The following CACNA1E variants were observed in gnomAD, a reference collection of about 807,000 sequenced individuals.
CACNA1E encodes voltage-dependent R-type calcium channel subunit alpha-1E.
In CACNA1E, 40 loss-of-function variants were observed where a neutral mutation model predicts 259.2. The ratio of observed to expected loss-of-function variants is 0.15; its 90% confidence interval spans 0.12 to 0.20. CACNA1E has a LOEUF of 0.20. Among genes scored for constraint, CACNA1E ranks in the 10% least tolerant of loss-of-function variants. The pLI is 1.00. For missense variants in CACNA1E, 1,874 were observed against 3,040.1 expected, an observed-to-expected ratio of 0.62 and a Z score of 9.02; for synonymous variants, 1,104 against 1,138.5, an observed-to-expected ratio of 0.97 and a Z score of 0.61.
At chr1:181,713,287 CTAAGA>C (rs1362900128) in intron 8 of CACNA1E, among the ~76,000 whole-genome samples, 1 of 152,104 alleles carries the variant, frequency 6.6e-6, no homozygotes, top group African/African-American at 2.4e-5. Flanking sequence ...GACTGTCTGG[CTAAGA>C]TAATTAAAGT....
At chr1:181,493,915 C>T (rs543849327) in intron 1 of CACNA1E, among the ~76,000 whole-genome samples, 2 of 152,338 alleles carry the variant, frequency 1.3e-5, no homozygotes, top group African/African-American at 2.4e-5. Flanking sequence ...CCACTCTGCA[C>T]ATTGCGCCAG....
intron 2 of CACNA1E, among the ~76,000 whole-genome samples, chr1:181,453,002 G>A (rs1476553664): frequency 6.6e-6 from 1 of 152,204 alleles, no homozygotes; most frequent in Admixed American, 6.5e-5. Flanking sequence ...CAGCTGGACA[G>A]TTTTAGTGTC....
chr1:181,739,224 C>T lies in CACNA1E; in HGVS notation c.3690C>T (p.Val1230=), dbSNP rs1168606555. ...GGAACATCCTGGACTTTGTGGTGGT[C>T]GTTGGCGCATTGGTGGCCTTTGCTC... The part of the protein sequence containing the change: ...DLWNILDFVV[V]VGALVAFALA... The change falls in exon 25 of 48, where the codon GTC becomes GTT. Residue 1230 remains valine, a synonymous_variant. Transcript: ENST00000367573. 38 of 1,613,084 alleles carry T rather than the reference C, an allele frequency of 2.4e-5. No individual in the cohort carries two copies. Among genetic ancestry groups the T allele is most frequent in the Non-Finnish European group, 3.1e-5 (37 of 1,179,196 alleles).
At chr1:181,780,376 A>G (rs1239623347) in intron 38 of CACNA1E, among the ~76,000 whole-genome samples, 2 of 152,164 alleles carry the variant, frequency 1.3e-5, no homozygotes, top group Non-Finnish European at 1.5e-5. Flanking sequence ...GGAATTCTCT[A>G]TATCCCAATG....
intron 3 of CACNA1E, among the ~76,000 whole-genome samples, chr1:181,575,308 G>A (rs1650861900): frequency 6.6e-6 from 1 of 152,294 alleles, no homozygotes; most frequent in Middle Eastern, 3.4e-3. Context: ...AGACTAACTT[G>A]GTGACATGCG....
At chr1:181,358,855 T>C (rs1269723442) in intron 1 of CACNA1E, among the ~76,000 whole-genome samples, 1 of 152,250 alleles carries the variant, frequency 6.6e-6, no homozygotes, top group Admixed American at 6.5e-5. Flanking sequence ...CTAATGCATA[T>C]GCCAGCCATG....
chr1:181,480,437 C>T (rs140185239), upstream of CACNA1E, among the ~76,000 whole-genome samples: 123 of 152,322 alleles, frequency 8.1e-4, no homozygotes, highest in African/African-American at 2.7e-3. Context: ...ATTTATGATT[C>T]CTGTCTCCTT....
chr1:181,626,306 A>G (rs567005873), intron 6 of CACNA1E, among the ~76,000 whole-genome samples: 7 of 152,380 alleles, frequency 4.6e-5, no homozygotes, highest in Middle Eastern at 3.4e-3. Flanking sequence ...TGTGAAGTGC[A>G]GTAAAGTACA....
At chr1:181,704,317 A>T (rs1222924045) in intron 7 of CACNA1E, among the ~76,000 whole-genome samples, 1 of 152,208 alleles carries the variant, frequency 6.6e-6, no homozygotes, top group Admixed American at 6.5e-5. Flanking sequence ...AACATTGAAG[A>T]GGCTCACCCT....
chr1:181,512,595 A>C (rs1452527607), intron 3 of CACNA1E, among the ~76,000 whole-genome samples: 1 of 152,236 alleles, frequency 6.6e-6, no homozygotes, highest in Non-Finnish European at 1.5e-5. Flanking sequence ...GATTGCATCT[A>C]TTTGTTGTCA....
intron 6 of CACNA1E, among the ~76,000 whole-genome samples, chr1:181,585,016 C>G (rs531974120): frequency 1.3e-5 from 2 of 149,386 alleles, no homozygotes; most frequent in South Asian, 2.1e-4. Flanking sequence ...ACTGGTCCCC[C>G]CCCCTGCCTC....
At chr1:181,707,971 G>A (rs1652958774) in intron 7 of CACNA1E, among the ~76,000 whole-genome samples, 1 of 152,176 alleles carries the variant, frequency 6.6e-6, no homozygotes. Context: ...TAGACTGGAG[G>A]CCAGAAGGTT....
intron 9 of CACNA1E, 83 bp from the exon 10 acceptor site, chr1:181,715,957 T>C (rs1653848588): frequency 1.2e-6 from 1 of 857,362 alleles, no homozygotes; most frequent in Non-Finnish European, 1.9e-6. Flanking sequence ...ACAAGGCATC[T>C]TGCCTGCATT....
chr1:181,573,497 C>T (rs564236631), intron 3 of CACNA1E, among the ~76,000 whole-genome samples: 11 of 152,286 alleles, frequency 7.2e-5, no homozygotes, highest in African/African-American at 2.2e-4. Flanking sequence ...TCCATTCTTT[C>T]CTCTGTCTCT....
At chr1:181,376,454 C>T (rs1655108944) in intron 1 of CACNA1E, among the ~76,000 whole-genome samples, 1 of 152,196 alleles carries the variant, frequency 6.6e-6, no homozygotes, top group Admixed American at 6.5e-5. Context: ...TATGCCAGGA[C>T]ACATTTTTAT....
chr1:181,679,623 C>T (rs1243246625), intron 7 of CACNA1E, among the ~76,000 whole-genome samples: 1 of 152,128 alleles, frequency 6.6e-6, no homozygotes, highest in South Asian at 2.1e-4. Context: ...GACAGAGAGG[C>T]CACACTCACA....
chr1:181,559,931 A>G (rs1649142366), intron 3 of CACNA1E, among the ~76,000 whole-genome samples: 1 of 152,250 alleles, frequency 6.6e-6, no homozygotes, highest in Non-Finnish European at 1.5e-5. Flanking sequence ...GCAATGTGAG[A>G]AAAAGGGTCA....
At chr1:181,693,014 C>T (rs977319371) in intron 7 of CACNA1E, among the ~76,000 whole-genome samples, 2 of 150,456 alleles carry the variant, frequency 1.3e-5, no homozygotes, top group Non-Finnish European at 3.0e-5. Flanking sequence ...TTAAAAGATA[C>T]ACAAGCAACC....
At chr1:181,504,657 C>G (rs1665555319) in intron 1 of CACNA1E, among the ~76,000 whole-genome samples, 1 of 152,228 alleles carries the variant, frequency 6.6e-6, no homozygotes, top group African/African-American at 2.4e-5. Flanking sequence ...CCGGTGACAG[C>G]AGAACCAGCA....
Sources: gnomAD v4.1 joint callset for allele counts (sites outside exome capture counted in the v4.1 genomes callset) on GRCh38, gnomAD v4.1.1 for gene constraint, MANE v1.5 for transcripts, NCBI Gene and HGNC (gene_info 2026-07-23, HGNC 2026-07-21) for gene names.